The following TJP1 variants were observed in gnomAD, a reference collection of about 807,000 sequenced individuals.
The protein encoded by TJP1 is tight junction protein ZO-1.
A neutral mutation model predicts 194.2 loss-of-function variants in TJP1; 43 were observed. That is an observed-to-expected ratio of 0.22 (90% CI 0.17 to 0.29). The LOEUF is 0.29. Among genes scored for constraint, TJP1 ranks in the 10% least tolerant of loss-of-function variants. The pLI is 1.00. For missense variants in TJP1, 1,971 were observed against 2,185.7 expected (o/e 0.90, Z 1.96); for synonymous variants, 801 against 779.0 (o/e 1.03, Z -0.47).
At chr15:29,853,700 A>T (rs2051734167) in intron 2 of TJP1, among the ~76,000 whole-genome samples, 1 of 152,192 alleles carries the variant, frequency 6.6e-6, no homozygotes, top group African/African-American at 2.4e-5. Flanking sequence ...ACTTATCAAC[A>T]TATCTAAAGT....
intron 2 of TJP1, among the ~76,000 whole-genome samples, chr15:29,933,095 C>A (rs562749006): frequency 6.6e-5 from 10 of 152,162 alleles, no homozygotes; most frequent in African/African-American, 2.2e-4. Context: ...CACACACACA[C>A]ATTTTGTCAA....
At chr15:29,764,228 G>A (rs926879198) in intron 5 of TJP1, among the ~76,000 whole-genome samples, 7 of 152,122 alleles carry the variant, frequency 4.6e-5, no homozygotes, top group Non-Finnish European at 8.8e-5. Context: ...GGAGAAGGCC[G>A]CCCTGAGGAA....
Position 29,704,221 on chromosome 15 carries a change from C to G in TJP1, c.5153G>C (p.Cys1718Ser), listed in dbSNP as rs1338721250. ...LKPVELRLPH[C>S]ASMTPDGWSF... ...CCAACCGTCAGGAGTCATGGACGCACAGTGTGGTAAGCGCAGCTCCACAGG... is the reference window on the plus strand; with the variant it reads ...CCAACCGTCAGGAGTCATGGACGCAGAGTGTGGTAAGCGCAGCTCCACAGG... Residue 1718 changes from cysteine to serine, a missense_variant, in exon 27 of 28, where the codon TGT becomes TCT. This residue lies in a region of TJP1 where 1,108 missense variants were observed against 1,128.5 expected (regional missense o/e 0.98). Transcript: ENST00000614355. 1.9e-6 allele frequency: 3 copies of G among 1,591,874 alleles called. No individual in the cohort carries two copies. The highest frequency in any genetic ancestry group is 2.6e-6 in the Non-Finnish European group (3 of 1,169,088).
chr15:29,745,039 G>GA (rs987332726), intron 8 of TJP1, among the ~76,000 whole-genome samples: 1 of 151,886 alleles, frequency 6.6e-6, no homozygotes, highest in African/African-American at 2.4e-5. Flanking sequence ...AATATTTACA[G>GA]AAAAAAGTGT....
At chr15:29,721,587 G>A (rs150731972) in intron 18 of TJP1, among the ~76,000 whole-genome samples, 357 of 152,288 alleles carry the variant, frequency 2.3e-3, no homozygotes, top group Non-Finnish European at 3.0e-3. Context: ...ATTGGTACCA[G>A]AGAAGTAGGG....
At chr15:29,822,605 C>G (rs1275209269), upstream of TJP1, 23 of 518,782 alleles carry the variant, frequency 4.4e-5, no homozygotes, top group Non-Finnish European at 5.5e-5. Context: ...GGGTCCCGAC[C>G]CCAAGCGCGG....
chr15:29,714,702 C>T (rs1038743505), intron 23 of TJP1, among the ~76,000 whole-genome samples: 48 of 150,764 alleles, frequency 3.2e-4, no homozygotes, highest in Middle Eastern at 3.4e-3. Flanking sequence ...CACCACGCCC[C>T]GCTGATTTTT....
intron 2 of TJP1, among the ~76,000 whole-genome samples, chr15:29,915,422 C>T (rs2054153296): frequency 6.6e-6 from 1 of 152,180 alleles, no homozygotes; most frequent in Non-Finnish European, 1.5e-5. Context: ...CAACCTCCCA[C>T]TGTCAGCCAA....
At chr15:29,886,110 A>G (rs1345630036) in intron 2 of TJP1, among the ~76,000 whole-genome samples, 2 of 152,242 alleles carry the variant, frequency 1.3e-5, no homozygotes, top group African/African-American at 2.4e-5. Flanking sequence ...ACCAAACTGG[A>G]TGAGATGCCA....
chr15:29,762,293 T>A (rs2046056784), intron 6 of TJP1, 42 bp downstream of exon 6: 1 of 1,523,370 alleles, frequency 6.6e-7, no homozygotes, highest in African/African-American at 1.4e-5. Flanking sequence ...CTAGAACTTG[T>A]TTTCTATTTC....
intron 10 of TJP1, chr15:29,740,876 A>C (rs1439902264): frequency 6.4e-6 from 1 of 156,756 alleles, no homozygotes; most frequent in Non-Finnish European, 1.4e-5. Flanking sequence ...AATTGTCACA[A>C]CTAGGGGACT....
chr15:29,811,048 T>C (rs370885129), intron 1 of TJP1, among the ~76,000 whole-genome samples: 9 of 151,992 alleles, frequency 5.9e-5, no homozygotes, highest in East Asian at 3.9e-4. Context: ...GGAAAAACAG[T>C]GCCATGAGGA....
At chr15:29,833,606 T>C (rs2152050332) in intron 2 of TJP1, among the ~76,000 whole-genome samples, 1 of 151,798 alleles carries the variant, frequency 6.6e-6, no homozygotes, top group East Asian at 2.0e-4. Context: ...GTTGGGAGGC[T>C]AATCTTGAAC....
intron 2 of TJP1, among the ~76,000 whole-genome samples, chr15:29,924,223 C>T (rs1192432701): frequency 1.2e-4 from 19 of 152,146 alleles, no homozygotes; most frequent in African/African-American, 4.1e-4. Context: ...TACAGGCACA[C>T]GCCACCACAC....
At chr15:29,705,468 A>G (rs1384643424) in intron 26 of TJP1, 60 bp downstream of exon 26, 1 of 1,524,072 alleles carries the variant, frequency 6.6e-7, no homozygotes, top group African/African-American at 1.4e-5. Context: ...ATAAGCTCTG[A>G]AGTGCACACA....
At chr15:29,704,355 C>T in intron 26 of TJP1, 50 bp from the exon 27 acceptor site, 1 of 1,531,872 alleles carries the variant, frequency 6.5e-7, no homozygotes, top group Non-Finnish European at 8.8e-7. Flanking sequence ...GGTCTTTCTT[C>T]TAGAATCCCA....
At chr15:29,856,788 AC>A (rs1469548449) in intron 2 of TJP1, among the ~76,000 whole-genome samples, 1 of 151,830 alleles carries the variant, frequency 6.6e-6, no homozygotes, top group African/African-American at 2.4e-5. Flanking sequence ...CCTGGCTAAC[AC>A]GGTGAAACCC....
chr15:29,716,057 A>G (rs1334779074), intron 23 of TJP1, among the ~76,000 whole-genome samples: 1 of 152,216 alleles, frequency 6.6e-6, no homozygotes, highest in Non-Finnish European at 1.5e-5. Flanking sequence ...AACCAACACG[A>G]AACCCAGGGA....
chr15:29,782,011 G>T (rs953484778), intron 2 of TJP1, among the ~76,000 whole-genome samples: 2 of 152,106 alleles, frequency 1.3e-5, no homozygotes, highest in African/African-American at 4.8e-5. Context: ...CATCCGAATA[G>T]GAAGAGAGAA....
Sources: allele counts gnomAD v4.1 joint callset (sites outside exome capture counted in the v4.1 genomes callset), GRCh38; gene constraint gnomAD v4.1.1; regional missense constraint gnomAD v4.1.1; transcripts MANE v1.5; gene names NCBI Gene and HGNC (gene_info 2026-07-23, HGNC 2026-07-21).